The following ERICH2 variants were observed in gnomAD, a reference collection of about 807,000 sequenced individuals.
ERICH2 encodes the protein glutamate rich 2.
Under a neutral mutation model 17.4 loss-of-function variants are expected in ERICH2, and 17 were observed. The observed-to-expected ratio is 0.98, with a 90% CI of 0.67 to 1.47. The LOEUF (loss-of-function observed/expected upper bound fraction) is 1.47. Ranked by LOEUF, ERICH2 falls within the 40% of genes most tolerant of loss-of-function variation. The pLI, the probability that ERICH2 is intolerant of heterozygous loss-of-function variation, is 0.00. For synonymous variants in ERICH2, 51 were observed against 61.1 expected (o/e 0.83, Z 0.77); for missense variants, 186 against 183.2 (o/e 1.01, Z -0.09).
chr2:170,782,782 T>C (rs1701059626), upstream of ERICH2, among the ~76,000 whole-genome samples: 1 of 152,174 alleles, frequency 6.6e-6, no homozygotes, highest in South Asian at 2.1e-4. Flanking sequence ...CAGCTGACTA[T>C]TAAAAATAAA....
chr2:170,780,341 A>G (rs886657240), upstream of ERICH2, among the ~76,000 whole-genome samples: 1 of 152,206 alleles, frequency 6.6e-6, no homozygotes, highest in Non-Finnish European at 1.5e-5. Context: ...TGGGCCTCCG[A>G]TTCTTTGAAA....
chr2:170,789,936 T>C (rs1701246513), intron 2 of ERICH2, among the ~76,000 whole-genome samples: 1 of 151,996 alleles, frequency 6.6e-6, no homozygotes, highest in Non-Finnish European at 1.5e-5. Context: ...GGGGAAAGAG[T>C]GTGTGGTGAT....
At chr2:170,773,582 A>G in the ERICH2 span, among the ~76,000 whole-genome samples, 1 of 152,244 alleles carries the variant, frequency 6.6e-6, no homozygotes, top group Non-Finnish European at 1.5e-5. Flanking sequence ...GCTCTGTGAC[A>G]TACATATAAG....
upstream of ERICH2, among the ~76,000 whole-genome samples, chr2:170,780,755 T>G (rs570259723): frequency 2.0e-5 from 3 of 152,322 alleles, no homozygotes; most frequent in Admixed American, 6.5e-5. Context: ...TGTCTTATAA[T>G]AAACATTGTA....
At chr2:170,787,397 C>T (rs1009084233) in intron 2 of ERICH2, among the ~76,000 whole-genome samples, 5 of 152,150 alleles carry the variant, frequency 3.3e-5, no homozygotes, top group Middle Eastern at 3.2e-3. Context: ...AGGGAGCATC[C>T]GGGGCAGCCT....
At chr2:170,793,599 T>C (rs1197143442) in intron 3 of ERICH2, among the ~76,000 whole-genome samples, 1 of 151,952 alleles carries the variant, frequency 6.6e-6, no homozygotes, top group Non-Finnish European at 1.5e-5. Context: ...CTGAAAGGAA[T>C]AGTGAGGAGG....
At chr2:170,785,383 G>A (rs1701136167) in intron 2 of ERICH2, among the ~76,000 whole-genome samples, 1 of 152,130 alleles carries the variant, frequency 6.6e-6, no homozygotes, top group Non-Finnish European at 1.5e-5. Flanking sequence ...GAAGGGACAT[G>A]CAGTATTTTG....
the ERICH2 span, among the ~76,000 whole-genome samples, chr2:170,772,919 T>C: frequency 1.1e-4 from 17 of 152,396 alleles, no homozygotes; most frequent in South Asian, 1.0e-3. Flanking sequence ...GAAAAACATG[T>C]AATGTCTTCC....
intron 2 of ERICH2, among the ~76,000 whole-genome samples, chr2:170,791,173 T>C (rs755888236): frequency 2.0e-5 from 3 of 152,118 alleles, no homozygotes; most frequent in Non-Finnish European, 2.9e-5. Context: ...TTTAAAAATA[T>C]AAGAATTCTA....
At chr2:170,774,749 A>T in the ERICH2 span, among the ~76,000 whole-genome samples, 3 of 150,710 alleles carry the variant, frequency 2.0e-5, no homozygotes, top group Admixed American at 2.0e-4. Context: ...ATTTTTTTTG[A>T]TATTTTTAGT....
chr2:170,784,941 G>T, intron 2 of ERICH2, 108 bp downstream of exon 7: 1 of 932,048 alleles, frequency 1.1e-6, no homozygotes. Context: ...AGATCTCATG[G>T]AGGCAGAACA....
chr2:170,772,994 A>G, the ERICH2 span, among the ~76,000 whole-genome samples: 16 of 152,216 alleles, frequency 1.1e-4, no homozygotes, highest in Admixed American at 2.6e-4. Flanking sequence ...TTGGTAATTC[A>G]TTTTATAAAA....
the ERICH2 span, among the ~76,000 whole-genome samples, chr2:170,774,406 A>G: frequency 6.6e-6 from 1 of 151,996 alleles, no homozygotes; most frequent in Non-Finnish European, 1.5e-5. Flanking sequence ...TATCCCATTT[A>G]ATCCTTATAA....
the ERICH2 span, chr2:170,770,737 G>A: frequency 6.4e-6 from 1 of 155,072 alleles, no homozygotes; most frequent in Non-Finnish European, 1.5e-5. Context: ...AAGGTAACCG[G>A]TGCGCGTGCG....
chr2:170,787,574 CCAGATT>C (rs1310598871), intron 2 of ERICH2, among the ~76,000 whole-genome samples: 1 of 152,208 alleles, frequency 6.6e-6, no homozygotes, highest in African/African-American at 2.4e-5. Flanking sequence ...GATTCTTTCT[CCAGATT>C]CAGATAGTTT....
intron 3 of ERICH2, among the ~76,000 whole-genome samples, chr2:170,797,292 G>T (rs1701449013): frequency 6.6e-6 from 1 of 152,178 alleles, no homozygotes; most frequent in East Asian, 1.9e-4. Context: ...GAGACCTTTA[G>T]TAAAGGATGT....
chr2:170,771,487 C>T, the ERICH2 span: 1 of 152,370 alleles, frequency 6.6e-6, no homozygotes, highest in Admixed American at 6.5e-5. This position sits in a 1 kb window ranked among gnomAD's most constrained non-coding sequence, Gnocchi z 4.8. Flanking sequence ...TTCTGACAGG[C>T]TTGTCTACAC....
chr2:170,784,865 A>T (rs1367842025), intron 2 of ERICH2, 32 bp downstream of exon 7: 2 of 1,375,568 alleles, frequency 1.5e-6, no homozygotes, highest in Admixed American at 3.4e-5. Context: ...AATTGAAGAA[A>T]CTTTAAAATA....
chr2:170,790,734 G>T (rs1050179510), intron 2 of ERICH2, among the ~76,000 whole-genome samples: 20 of 151,602 alleles, frequency 1.3e-4, no homozygotes, highest in African/African-American at 4.8e-4. Context: ...AACCCAGGAG[G>T]CAGAGGTTGC....
Sources: allele counts gnomAD v4.1 joint callset (sites outside exome capture counted in the v4.1 genomes callset), GRCh38; gene constraint gnomAD v4.1.1; non-coding constraint Gnocchi (gnomAD v3.1); transcripts MANE v1.5; gene names NCBI Gene and HGNC (gene_info 2026-07-23, HGNC 2026-07-21).